DOCK3: variants seen among roughly 807,000 people sequenced by gnomAD.
DOCK3 encodes the protein dedicator of cytokinesis protein 3.
A neutral mutation model predicts 265.6 loss-of-function variants in DOCK3; 60 were observed. That is an observed-to-expected ratio of 0.23 (90% CI 0.18 to 0.28). DOCK3 has a LOEUF of 0.28. DOCK3 is among the 10% of genes least tolerant of loss of function. The pLI, the probability that DOCK3 is intolerant of heterozygous loss-of-function variation, is 1.00. For synonymous variants in DOCK3, 881 were observed against 938.0 expected (o/e 0.94, Z 1.11); for missense variants, 1,981 against 2,594.3 (o/e 0.76, Z 5.14).
At chr3:51,275,825 G>A (rs969752552) in intron 25 of DOCK3, among the ~76,000 whole-genome samples, 5 of 152,154 alleles carry the variant, frequency 3.3e-5, no homozygotes, top group Admixed American at 3.3e-4. Flanking sequence ...ATGAACTGAG[G>A]TAGGGAAAGA....
intron 5 of DOCK3, among the ~76,000 whole-genome samples, chr3:51,018,493 C>T (rs1172658387): frequency 6.7e-6 from 1 of 149,342 alleles, no homozygotes; most frequent in Non-Finnish European, 1.5e-5. Context: ...TCATTATAAG[C>T]TAACTGGCCA....
At chr3:51,267,805 G>A (rs890055626) in intron 23 of DOCK3, among the ~76,000 whole-genome samples, 5 of 152,182 alleles carry the variant, frequency 3.3e-5, no homozygotes, top group African/African-American at 1.2e-4. Flanking sequence ...GGAATACTAT[G>A]CAGCCATAAA....
chr3:51,321,331 T>C (rs1435285260), intron 32 of DOCK3, among the ~76,000 whole-genome samples: 2 of 151,992 alleles, frequency 1.3e-5, no homozygotes, highest in Non-Finnish European at 2.9e-5. Flanking sequence ...AGGTCACAAA[T>C]ATCAAAGACC....
intron 2 of DOCK3, among the ~76,000 whole-genome samples, chr3:50,813,465 G>T (rs930089360): frequency 3.9e-5 from 6 of 152,006 alleles, no homozygotes; most frequent in Non-Finnish European, 5.9e-5. Flanking sequence ...GAAGTTTGAG[G>T]GTGCAGTGAG....
chr3:50,847,001 T>C (rs554813383), intron 3 of DOCK3, among the ~76,000 whole-genome samples: 2 of 152,314 alleles, frequency 1.3e-5, no homozygotes, highest in East Asian at 3.9e-4. Context: ...GCTCTGATTT[T>C]AGTTATTTGT....
chr3:50,918,144 T>G (rs1320088863), intron 4 of DOCK3, among the ~76,000 whole-genome samples: 1 of 152,190 alleles, frequency 6.6e-6, no homozygotes, highest in Non-Finnish European at 1.5e-5. Flanking sequence ...CACATTTTCT[T>G]AATCCAGTCT....
At chr3:50,856,608 A>C (rs1441151957) in intron 3 of DOCK3, among the ~76,000 whole-genome samples, 3 of 152,152 alleles carry the variant, frequency 2.0e-5, no homozygotes, top group African/African-American at 7.2e-5. Flanking sequence ...TCAGATGGAT[A>C]GATTACAAAA....
chr3:50,751,508 C>T (rs562125059), intron 1 of DOCK3, among the ~76,000 whole-genome samples: 1 of 152,056 alleles, frequency 6.6e-6, no homozygotes, highest in Non-Finnish European at 1.5e-5. Flanking sequence ...TTTTTATAAG[C>T]AGTTGTTGTG....
chr3:50,743,289 C>T (rs966657526), intron 1 of DOCK3, among the ~76,000 whole-genome samples: 6 of 152,170 alleles, frequency 3.9e-5, no homozygotes, highest in East Asian at 1.9e-4. Context: ...CATCAACTGA[C>T]GAGCAAAATA....
chr3:50,910,557 G>A (rs1484712748), intron 4 of DOCK3, among the ~76,000 whole-genome samples: 1 of 152,128 alleles, frequency 6.6e-6, no homozygotes, highest in Non-Finnish European at 1.5e-5. Context: ...AACTGGTGGT[G>A]GGGCTAGCCA....
chr3:51,125,049 G>T (rs2084207836), intron 9 of DOCK3, among the ~76,000 whole-genome samples: 2 of 151,358 alleles, frequency 1.3e-5, no homozygotes, highest in African/African-American at 4.9e-5. Flanking sequence ...TGAAGCAGAA[G>T]AATCGCTTGA....
intron 50 of DOCK3, 125 bp from the exon 51 acceptor site, chr3:51,375,623 C>G: frequency 9.6e-7 from 1 of 1,036,830 alleles, no homozygotes; most frequent in South Asian, 1.4e-5. Context: ...CAAGTGTGAG[C>G]TGTGCCACTG....
At chr3:50,739,694 A>G (rs1384446316) in intron 1 of DOCK3, among the ~76,000 whole-genome samples, 1 of 152,086 alleles carries the variant, frequency 6.6e-6, no homozygotes, top group Admixed American at 6.5e-5. Context: ...TATAAAGAGA[A>G]TGGGCTTGGT....
At chr3:50,942,790 G>A (rs1044655389) in intron 5 of DOCK3, among the ~76,000 whole-genome samples, 5 of 151,874 alleles carry the variant, frequency 3.3e-5, no homozygotes, top group Non-Finnish European at 7.4e-5. Flanking sequence ...ACTTTCATAT[G>A]TTAGTCTACT....
rs1199259971 is a variant in DOCK3, at chr3:51,350,350, T to C, written c.4065T>C (p.Phe1355=). Residue 1355 remains phenylalanine, a synonymous_variant, in exon 40 of 53, where the codon TTT becomes TTC. Transcript: ENST00000266037. ...MEQQRLEPEF[F]RVGFYGRKFP... ...AGCAACGCCTGGAGCCTGAGTTCTT[T>C]CGGGTCGGCTTCTATGGCAGGAAGT... 2 of 1,612,300 alleles carry C rather than the reference T, an allele frequency of 1.2e-6. No individual in the cohort carries two copies. Among genetic ancestry groups the C allele is most frequent in the Non-Finnish European group, 1.7e-6 (2 of 1,179,476 alleles).
At chr3:50,766,288 A>G (rs2040870977) in intron 1 of DOCK3, among the ~76,000 whole-genome samples, 1 of 108,298 alleles carries the variant, frequency 9.2e-6, no homozygotes, top group East Asian at 3.1e-4. Flanking sequence ...CCACCCCACA[A>G]CAGGCCCCGG....
intron 9 of DOCK3, among the ~76,000 whole-genome samples, chr3:51,099,737 G>A (rs1226538354): frequency 2.0e-5 from 3 of 152,216 alleles, no homozygotes; most frequent in African/African-American, 7.2e-5. Context: ...TTCTCATGAA[G>A]CTTACATAGT....
intron 21 of DOCK3, among the ~76,000 whole-genome samples, chr3:51,243,264 C>A (rs558473838): frequency 6.6e-6 from 1 of 152,146 alleles, no homozygotes; most frequent in Non-Finnish European, 1.5e-5. Context: ...GGTTTGCTAC[C>A]CCTACCACTT....
intron 9 of DOCK3, among the ~76,000 whole-genome samples, chr3:51,131,661 C>G (rs893191146): frequency 6.6e-6 from 1 of 152,152 alleles, no homozygotes; most frequent in Non-Finnish European, 1.5e-5. Context: ...CCTCTAGGAA[C>G]ACCATGATTA....
Sources: allele counts gnomAD v4.1 joint callset (sites outside exome capture counted in the v4.1 genomes callset), GRCh38; gene constraint gnomAD v4.1.1; transcripts MANE v1.5; gene names NCBI Gene and HGNC (gene_info 2026-07-23, HGNC 2026-07-21).